DIPK1A: variants seen among roughly 807,000 people sequenced by gnomAD.
DIPK1A encodes the protein divergent protein kinase domain 1A.
A neutral mutation model predicts 40.8 loss-of-function variants in DIPK1A; 27 were observed. The observed-to-expected ratio is 0.66, with a 90% CI of 0.49 to 0.91. DIPK1A has a LOEUF of 0.91. Ranked by LOEUF, DIPK1A falls within the 40% of genes least tolerant of loss-of-function variation. DIPK1A has a pLI of 0.00. For synonymous variants in DIPK1A, 166 were observed against 171.3 expected (o/e 0.97, Z 0.24); for missense variants, 412 against 505.7 (o/e 0.81, Z 1.78).
intron 2 of DIPK1A, among the ~76,000 whole-genome samples, chr1:92,859,509 ATGTGTG>A (rs1688099163): frequency 6.6e-6 from 1 of 152,092 alleles, no homozygotes; most frequent in Admixed American, 6.6e-5. Context: ...AGTTTAATAT[ATGTGTG>A]TAAGTTATAG....
intron 4 of DIPK1A, chr1:92,833,041 GA>G (rs748638969): frequency 1.3e-4 from 97 of 737,500 alleles, no homozygotes; most frequent in Non-Finnish European, 2.1e-4. Flanking sequence ...GGTCCTTGAA[GA>G]AACAAATATG....
chr1:92,959,332 G>A (rs754673037), intron 1 of DIPK1A, among the ~76,000 whole-genome samples: 1 of 152,064 alleles, frequency 6.6e-6, no homozygotes, highest in Non-Finnish European at 1.5e-5. Context: ...TTGGTTGGAA[G>A]AGGGAGTGGG....
chr1:92,866,091 T>C (rs1647521989), intron 2 of DIPK1A, among the ~76,000 whole-genome samples: 1 of 151,956 alleles, frequency 6.6e-6, no homozygotes, highest in Admixed American at 6.6e-5. Flanking sequence ...CCTCCAAAAG[T>C]CTGGGGTTTT....
intron 1 of DIPK1A, among the ~76,000 whole-genome samples, chr1:92,901,971 T>G (rs1042428294): frequency 1.3e-5 from 2 of 152,110 alleles, no homozygotes; most frequent in Admixed American, 1.3e-4. Context: ...GATGCACAGC[T>G]GCTCAGCTTA....
chr1:92,960,133 C>T (rs1652014053), intron 1 of DIPK1A, among the ~76,000 whole-genome samples: 1 of 151,764 alleles, frequency 6.6e-6, no homozygotes, highest in Non-Finnish European at 1.5e-5. Flanking sequence ...GGGGTTGTGA[C>T]AGTGTTACTC....
chr1:92,862,664 A>G (rs1402751953), intron 2 of DIPK1A, among the ~76,000 whole-genome samples: 1 of 152,156 alleles, frequency 6.6e-6, no homozygotes, highest in Non-Finnish European at 1.5e-5. Flanking sequence ...CGGATCAGTC[A>G]CTTCCCTGCT....
At chr1:92,931,980 G>T in intron 1 of DIPK1A, 1 of 456,010 alleles carries the variant, frequency 2.2e-6, no homozygotes, top group South Asian at 1.8e-5. Context: ...CTAACAGATA[G>T]ACTGATAACA....
chr1:92,842,707 C>A lies in DIPK1A; in HGVS notation c.*676G>T. On this transcript the variant is annotated 3_prime_UTR_variant, in exon 5 of 5. Transcript: ENST00000370310. ...GAAGGGCTCAGTCAGCTGCGTGATACTAAGATGGGCCCTTTGAATCTTTAG... is the reference window on the plus strand; with the variant it reads ...GAAGGGCTCAGTCAGCTGCGTGATAATAAGATGGGCCCTTTGAATCTTTAG... The A allele has an allele frequency of 1.0e-5, 10 of 985,404 alleles. No homozygotes were observed. Among genetic ancestry groups the A allele is most frequent in the Non-Finnish European group, 1.2e-5 (10 of 829,938 alleles). 61.0% of individuals were successfully genotyped at this position (985,404 alleles called of 1,614,324 possible).
chr1:92,959,245 C>T (rs1449060949), intron 1 of DIPK1A, among the ~76,000 whole-genome samples: 1 of 151,964 alleles, frequency 6.6e-6, no homozygotes, highest in East Asian at 1.9e-4. Context: ...CAGATGGCAC[C>T]ACTGCACTCC....
chr1:92,887,152 T>C (rs1648640646), intron 1 of DIPK1A, among the ~76,000 whole-genome samples: 1 of 150,012 alleles, frequency 6.7e-6, no homozygotes, highest in Non-Finnish European at 1.5e-5. Context: ...GTGTAGTGGC[T>C]CACACCTGTA....
chr1:92,832,925 G>A (rs1038820871), exon 5 of DIPK1A: 8 of 681,500 alleles, frequency 1.2e-5, no homozygotes, highest in Non-Finnish European at 2.1e-5. Flanking sequence ...TTTGAGGCTA[G>A]GTTTTCGAAG....
At chr1:92,833,966 G>C in intron 4 of DIPK1A, 1 of 360,484 alleles carries the variant, frequency 2.8e-6, no homozygotes, top group Non-Finnish European at 5.3e-6. Flanking sequence ...AAATTAGCTG[G>C]GCATGGCGGG....
intron 1 of DIPK1A, among the ~76,000 whole-genome samples, chr1:92,949,893 T>C (rs532614648): frequency 6.6e-6 from 1 of 152,322 alleles, no homozygotes; most frequent in South Asian, 2.1e-4. Context: ...ATTCATTTCA[T>C]TCAACAAATA....
Position 92,874,007 on chromosome 1 carries a change from C to T in DIPK1A, c.189+2289G>A, listed in dbSNP as rs2774944. ...TACTACTTATGATAGGTTTTAAGAACATAATCCCAAATGCAGAATAACTAT... is the reference window on the plus strand; with the variant it reads ...TACTACTTATGATAGGTTTTAAGAATATAATCCCAAATGCAGAATAACTAT... On this transcript the variant is annotated intron_variant, in intron 2 of 4. Coordinates refer to ENST00000370310, the MANE Select transcript of DIPK1A (RefSeq NM_001006605.5). 3.1e-3 allele frequency among the ~76,000 whole-genome samples: 472 copies of T among 152,270 alleles called. 6 individuals are homozygous for T. Among genetic ancestry groups the T allele is most frequent in the African/African-American group, 0.011 (448 of 41,558 alleles).
intron 2 of DIPK1A, among the ~76,000 whole-genome samples, chr1:92,873,001 T>C (rs1647946013): frequency 6.6e-6 from 1 of 152,224 alleles, no homozygotes; most frequent in Non-Finnish European, 1.5e-5. Context: ...GCTGATTTCT[T>C]GTCCCCAGTA....
At chr1:92,933,685 T>G (rs1315982219) in intron 1 of DIPK1A, 1 of 152,220 alleles carries the variant, frequency 6.6e-6, no homozygotes, top group Non-Finnish European at 1.5e-5. Context: ...CTGACCTATA[T>G]CTGCAAGAAG....
At chr1:92,914,348 A>T (rs1161231350) in intron 1 of DIPK1A, among the ~76,000 whole-genome samples, 1 of 152,138 alleles carries the variant, frequency 6.6e-6, no homozygotes, top group Non-Finnish European at 1.5e-5. Context: ...TATTAATCAC[A>T]TGTGAAGTTC....
chr1:92,853,909 C>T (rs1687901899), intron 2 of DIPK1A, among the ~76,000 whole-genome samples: 1 of 152,040 alleles, frequency 6.6e-6, no homozygotes, highest in South Asian at 2.1e-4. Context: ...TTTTTTGAGA[C>T]AGAGTCTCAC....
At chr1:92,842,004 GT>G (rs568368652), downstream of DIPK1A, 3 of 817,942 alleles carry the variant, frequency 3.7e-6, no homozygotes, top group Non-Finnish European at 5.4e-6. Context: ...GAGTTGACAG[GT>G]TTTTTTCTCC....
Sources: allele counts gnomAD v4.1 joint callset (sites outside exome capture counted in the v4.1 genomes callset), GRCh38; gene constraint gnomAD v4.1.1; transcripts MANE v1.5; gene names NCBI Gene and HGNC (gene_info 2026-07-23, HGNC 2026-07-21).